SHC4: variants seen among roughly 807,000 people sequenced by gnomAD.
SHC4 encodes SHC adaptor protein 4, also known as SHC-transforming protein 4.
Under a neutral mutation model 69.4 loss-of-function variants are expected in SHC4, and 41 were observed. The ratio of observed to expected loss-of-function variants is 0.59; its 90% confidence interval spans 0.46 to 0.77. The LOEUF (loss-of-function observed/expected upper bound fraction) is 0.77. SHC4 is among the 30% of genes least tolerant of loss of function. The probability of loss-of-function intolerance (pLI) is 0.00; values close to 1 mark genes in which losing one functional copy is unlikely to be tolerated. For synonymous variants in SHC4, 318 were observed against 299.3 expected (o/e 1.06, Z -0.64); for missense variants, 777 against 783.8 (o/e 0.99, Z 0.10).
chr15:48,908,963 G>A (rs188145017), intron 2 of SHC4, among the ~76,000 whole-genome samples: 329 of 152,224 alleles, frequency 2.2e-3, no homozygotes, highest in African/African-American at 7.4e-3. Context: ...CTATAGTATC[G>A]TTTGAAATCA....
At chr15:48,957,249 G>A (rs550014722) in intron 1 of SHC4, among the ~76,000 whole-genome samples, 4 of 152,010 alleles carry the variant, frequency 2.6e-5, no homozygotes, top group South Asian at 4.2e-4. Context: ...AAGTGCTGGG[G>A]TTACAGGCAT....
intron 4 of SHC4, among the ~76,000 whole-genome samples, chr15:48,881,123 G>A (rs1200470211): frequency 6.6e-6 from 1 of 151,700 alleles, no homozygotes; most frequent in East Asian, 1.9e-4. Context: ...TGATTAGGGA[G>A]AGTTTTCCAA....
chr15:48,853,252 A>G (rs891947894), intron 8 of SHC4, among the ~76,000 whole-genome samples: 3 of 152,204 alleles, frequency 2.0e-5, no homozygotes, highest in African/African-American at 7.2e-5. Context: ...ATAATAAAAT[A>G]AAATACCTAG....
Position 48,963,411 on chromosome 15 carries a change from C to G in SHC4, c.-396G>C, listed in dbSNP as rs1901581132. 4.8e-6 allele frequency: 1 copy of G among 207,598 alleles called. No individual in the cohort carries two copies. The highest frequency in any genetic ancestry group is 5.1e-5 in the Admixed American group (1 of 19,472). 12.9% of individuals were successfully genotyped at this position (207,598 alleles called of 1,614,324 possible). The stretch of plus-strand genomic sequence containing the variant: ...AGGAGCCTAGTAGAAATATTTAGCA[C>G]CCGACTCCCACCCTCACCCCAGCCT... On this transcript the variant is annotated 5_prime_UTR_variant, in exon 1 of 12. Transcript: ENST00000332408.
chr15:48,890,781 G>T lies in SHC4; in HGVS notation c.687C>A (p.Val229=). Reference sequence around the variant, plus strand: ...TTTTAATGGCTCCATTTGCCCCGGGGACAGCTTCACACAGGCGACTTATTG... The same window carrying T: ...TTTTAATGGCTCCATTTGCCCCGGGTACAGCTTCACACAGGCGACTTATTG... ...REAISRLCEA[V]PGANGAIKKR... The change falls in exon 3 of 12, where the codon GTC becomes GTA. Residue 229 remains valine (V), a synonymous_variant. Coordinates refer to ENST00000332408, the MANE Select transcript of SHC4 (RefSeq NM_203349.4). The T allele has an allele frequency of 6.2e-7, 1 of 1,614,112 alleles. No homozygotes were observed. Among genetic ancestry groups the T allele is most frequent in the Non-Finnish European group, 8.5e-7 (1 of 1,180,026 alleles).
chr15:48,861,725 C>T (rs913751334), intron 6 of SHC4, among the ~76,000 whole-genome samples: 1 of 152,150 alleles, frequency 6.6e-6, no homozygotes, highest in Non-Finnish European at 1.5e-5. Flanking sequence ...GGATTTTTTT[C>T]ATCCCACCTG....
intron 1 of SHC4, among the ~76,000 whole-genome samples, chr15:48,937,354 C>T (rs1292644408): frequency 2.0e-5 from 3 of 152,102 alleles, no homozygotes; most frequent in Non-Finnish European, 2.9e-5. Flanking sequence ...TGAGCCACCA[C>T]GCCTGGCCCT....
intron 3 of SHC4, among the ~76,000 whole-genome samples, chr15:48,885,847 C>T (rs932389689): frequency 6.6e-6 from 1 of 152,216 alleles, no homozygotes; most frequent in African/African-American, 2.4e-5. Flanking sequence ...GCTTCTTACA[C>T]AGCTCTGGGC....
At chr15:48,872,057 C>T in intron 5 of SHC4, 32 bp downstream of exon 5, 1 of 1,404,424 alleles carries the variant, frequency 7.1e-7, no homozygotes, top group Non-Finnish European at 1.0e-6. Flanking sequence ...TATTTTAACT[C>T]ATAAAAAGAA....
intron 10 of SHC4, among the ~76,000 whole-genome samples, chr15:48,841,651 G>T (rs1045373105): frequency 6.6e-6 from 1 of 152,172 alleles, no homozygotes; most frequent in Non-Finnish European, 1.5e-5. Flanking sequence ...GTTGGCTGAG[G>T]CTTTGTCAGG....
At chr15:48,954,201 A>G (rs879517420) in intron 1 of SHC4, among the ~76,000 whole-genome samples, 8 of 152,120 alleles carry the variant, frequency 5.3e-5, no homozygotes, top group Non-Finnish European at 1.0e-4. Context: ...TCCAACCACT[A>G]AAGGCCAGTA....
chr15:48,914,735 T>C, intron 2 of SHC4, among the ~76,000 whole-genome samples: 1 of 152,366 alleles, frequency 6.6e-6, no homozygotes, highest in East Asian at 1.9e-4. Context: ...ACTGCTGTTT[T>C]AAATATATAT....
rs942249861 is a variant in SHC4, at chr15:48,833,159, A to C, written c.1737+1610T>G. 3.3e-5 allele frequency among the ~76,000 whole-genome samples: 5 copies of C among 152,130 alleles called. No individual in the cohort carries two copies. In the East Asian group the frequency reaches 9.6e-4, roughly 29 times the overall value. ...ACAGCCACCTCTCCCTTTCCTTACA[A>C]ACTGGCTTCATACAAGGGAAGAATC... On this transcript the variant is annotated intron_variant, in intron 11 of 11. Transcript: ENST00000332408.
chr15:48,943,287 G>T (rs1362484418), intron 1 of SHC4, among the ~76,000 whole-genome samples: 1 of 152,022 alleles, frequency 6.6e-6, no homozygotes, highest in Admixed American at 6.6e-5. Flanking sequence ...TGTAACCCCT[G>T]TTCTACTCTC....
chr15:48,874,296 C>T (rs1430014058), intron 4 of SHC4, among the ~76,000 whole-genome samples: 4 of 152,002 alleles, frequency 2.6e-5, no homozygotes, highest in Admixed American at 2.6e-4. Context: ...AATCTGACAC[C>T]AAGCAGCAGT....
intron 1 of SHC4, among the ~76,000 whole-genome samples, chr15:48,944,479 T>C (rs1470487645): frequency 6.6e-6 from 1 of 152,134 alleles, no homozygotes; most frequent in South Asian, 2.1e-4. Flanking sequence ...AAAATGGGTA[T>C]GATGCTGGGT....
chr15:48,872,235 G>T, intron 4 of SHC4, 93 bp from the exon 5 acceptor site: 1 of 759,322 alleles, frequency 1.3e-6, no homozygotes, highest in Non-Finnish European at 2.0e-6. Context: ...TGTTTGTTTT[G>T]TTTTTGCCTG....
At chr15:48,948,822 C>T (rs1901319442) in intron 1 of SHC4, among the ~76,000 whole-genome samples, 1 of 152,054 alleles carries the variant, frequency 6.6e-6, no homozygotes, top group Admixed American at 6.5e-5. Flanking sequence ...GGGAGGATGG[C>T]TTGAGCCTGG....
At chr15:48,852,776 C>T (rs1442336766) in intron 8 of SHC4, among the ~76,000 whole-genome samples, 1 of 151,980 alleles carries the variant, frequency 6.6e-6, no homozygotes. Context: ...GTGGCATGCA[C>T]CTGTAATCCC....
Sources: allele counts gnomAD v4.1 joint callset (sites outside exome capture counted in the v4.1 genomes callset), GRCh38; gene constraint gnomAD v4.1.1; transcripts MANE v1.5; gene names NCBI Gene and HGNC (gene_info 2026-07-23, HGNC 2026-07-21).